Variants in ATP9B observed in about 807,000 individuals in gnomAD.
The protein encoded by ATP9B is ATPase phospholipid transporting 9B, also known as probable phospholipid-transporting ATPase IIB.
ATP9B carries 110 observed loss-of-function variants against 146.1 expected under a neutral mutation model. The observed-to-expected ratio is 0.75, with a 90% CI of 0.65 to 0.88. ATP9B has a LOEUF of 0.88. Ranked by LOEUF, ATP9B falls within the 40% of genes least tolerant of loss-of-function variation. The pLI is 0.00. For synonymous variants in ATP9B, 604 were observed against 569.7 expected (o/e 1.06, Z -0.86); for missense variants, 1,499 against 1,496.4 (o/e 1.00, Z -0.03).
chr18:79,212,555 A>C (rs1471879466), intron 10 of ATP9B, among the ~76,000 whole-genome samples: 1 of 152,202 alleles, frequency 6.6e-6, no homozygotes, highest in African/African-American at 2.4e-5. Flanking sequence ...TCATTGTGAT[A>C]ATTTAACATT....
In ATP9B at chr18:79,253,398, T is replaced by C; in HGVS notation, c.1125T>C (p.Leu375=). The C allele has an allele frequency of 2.5e-6, 4 of 1,610,174 alleles. No individual in the cohort carries two copies. Among genetic ancestry groups the C allele is most frequent in the Non-Finnish European group, 3.4e-6 (4 of 1,179,032 alleles). Residue 375 remains leucine (L), a synonymous_variant, in exon 12 of 30, where the codon CTT becomes CTC. Transcript: ENST00000426216. ...NPKNKVGLLD[L]ELNRLTKALF... is the part of the protein sequence containing the mutation. ...TCTTTCAGGTTGGTTTGTTGGACCT[T>C]GAACTCAATCGGCTGACGAAAGCGC... is the stretch of plus-strand genomic sequence containing the variant.
intron 1 of ATP9B, among the ~76,000 whole-genome samples, chr18:79,070,266 T>A (rs531983570): frequency 1.3e-5 from 2 of 152,382 alleles, no homozygotes; most frequent in East Asian, 3.9e-4. Flanking sequence ...AAAACATAAT[T>A]TCACTCAATA....
At chr18:79,194,917 G>A (rs1232615370) in intron 9 of ATP9B, among the ~76,000 whole-genome samples, 4 of 152,194 alleles carry the variant, frequency 2.6e-5, no homozygotes, top group Admixed American at 1.3e-4. Flanking sequence ...AATGACTTGG[G>A]TAAGTAAAGC....
chr18:79,145,051 A>G, intron 6 of ATP9B: 1 of 209,162 alleles, frequency 4.8e-6, no homozygotes, highest in Non-Finnish European at 9.8e-6. Flanking sequence ...CGGTGTGCAG[A>G]GTGACTGAAG....
At chr18:79,237,031 G>A in intron 11 of ATP9B, among the ~76,000 whole-genome samples, 1 of 37,214 alleles carries the variant, frequency 2.7e-5, no homozygotes, top group South Asian at 1.0e-3. Context: ...CCGTGCACGA[G>A]TCAGTGTCCA....
intron 6 of ATP9B, among the ~76,000 whole-genome samples, chr18:79,152,890 G>A (rs1375552402): frequency 1.3e-5 from 2 of 152,064 alleles, no homozygotes; most frequent in Non-Finnish European, 2.9e-5. Context: ...CTTTGTATTG[G>A]TATAATCGTC....
intron 15 of ATP9B, among the ~76,000 whole-genome samples, chr18:79,323,767 AG>A (rs1216275877): frequency 6.6e-6 from 1 of 152,334 alleles, no homozygotes; most frequent in East Asian, 1.9e-4. Flanking sequence ...CAGTACACGT[AG>A]GGGTGCCGAG....
intron 4 of ATP9B, among the ~76,000 whole-genome samples, chr18:79,125,594 C>T (rs1385560565): frequency 2.0e-5 from 3 of 152,122 alleles, no homozygotes; most frequent in African/African-American, 7.2e-5. Context: ...GAAGAATATT[C>T]CTGTAACATG....
chr18:79,262,878 G>A (rs969482663), intron 12 of ATP9B, among the ~76,000 whole-genome samples: 14 of 152,048 alleles, frequency 9.2e-5, no homozygotes, highest in African/African-American at 3.4e-4. Context: ...TGAATTATGT[G>A]CCAGTTTTTA....
At chr18:79,072,694 T>C (rs564944140) in intron 1 of ATP9B, among the ~76,000 whole-genome samples, 132 of 146,488 alleles carry the variant, frequency 9.0e-4, no homozygotes, top group Non-Finnish European at 1.4e-3. Context: ...GGCTGCCGGG[T>C]GGGGGCGCCC....
At chr18:79,256,562 G>A (rs2096083292) in intron 12 of ATP9B, among the ~76,000 whole-genome samples, 2 of 151,144 alleles carry the variant, frequency 1.3e-5, no homozygotes, top group African/African-American at 4.9e-5. Flanking sequence ...AACTTGAAGT[G>A]ATACCCTATA....
chr18:79,275,188 G>A (rs531353680), intron 12 of ATP9B, among the ~76,000 whole-genome samples: 5 of 152,326 alleles, frequency 3.3e-5, no homozygotes, highest in South Asian at 2.1e-4. Context: ...CATGAATAGC[G>A]TAATAGGAAG....
At chr18:79,190,511 T>TACAC (rs68063845) in intron 8 of ATP9B, among the ~76,000 whole-genome samples, 9,023 of 143,458 alleles carry the variant, frequency 0.063, 500 homozygotes, top group African/African-American at 0.15. Flanking sequence ...TTTTTATTTA[T>TACAC]ACACACACAC....
At chr18:79,377,055 C>G (rs1276192740) in intron 29 of ATP9B, among the ~76,000 whole-genome samples, 192 bp from the exon 30 acceptor site, 1 of 152,156 alleles carries the variant, frequency 6.6e-6, no homozygotes, top group Non-Finnish European at 1.5e-5. Flanking sequence ...ATGAATTATG[C>G]CCGGTATGCA....
intron 5 of ATP9B, among the ~76,000 whole-genome samples, chr18:79,133,986 C>G (rs551391995): frequency 1.3e-5 from 2 of 152,220 alleles, no homozygotes; most frequent in Non-Finnish European, 2.9e-5. Context: ...TTTGCGGTAG[C>G]ACTCTCCTTT....
intron 8 of ATP9B, among the ~76,000 whole-genome samples, chr18:79,180,745 TTG>T (rs1256132592): frequency 6.6e-6 from 1 of 151,982 alleles, no homozygotes; most frequent in Non-Finnish European, 1.5e-5. Flanking sequence ...CTGCTAGAGA[TTG>T]TCAGTTTTTG....
chr18:79,119,311 TGAGTG>T (rs2094148805), intron 4 of ATP9B, among the ~76,000 whole-genome samples: 2 of 152,352 alleles, frequency 1.3e-5, no homozygotes, highest in African/African-American at 4.8e-5. Flanking sequence ...TGGCCATACT[TGAGTG>T]AAGTGTGCAC....
chr18:79,192,375 A>G (rs1449227096), intron 8 of ATP9B, among the ~76,000 whole-genome samples: 1 of 152,108 alleles, frequency 6.6e-6, no homozygotes, highest in Admixed American at 6.5e-5. Context: ...CCGAAATTAG[A>G]TGGTTTATTA....
At chr18:79,366,385 G>A (rs1206492845) in intron 26 of ATP9B, among the ~76,000 whole-genome samples, 2 of 152,232 alleles carry the variant, frequency 1.3e-5, no homozygotes, top group African/African-American at 2.4e-5. Flanking sequence ...TCTTTTCAGT[G>A]GCCTTGGGAA....
Sources: allele counts gnomAD v4.1 joint callset (sites outside exome capture counted in the v4.1 genomes callset), GRCh38; gene constraint gnomAD v4.1.1; transcripts MANE v1.5; gene names NCBI Gene and HGNC (gene_info 2026-07-23, HGNC 2026-07-21).